Variants in CNTN5 observed in about 807,000 individuals in gnomAD.
CNTN5 encodes the protein contactin 5, also known as contactin-5.
In CNTN5, 77 loss-of-function variants were observed where a neutral mutation model predicts 129.1. The observed-to-expected ratio is 0.60, with a 90% CI of 0.50 to 0.72. CNTN5 has a LOEUF of 0.72. Ranked by LOEUF, CNTN5 falls within the 30% of genes least tolerant of loss-of-function variation. The pLI is 0.00. For synonymous variants in CNTN5, 509 were observed against 465.6 expected (o/e 1.09, Z -1.20); for missense variants, 1,478 against 1,328.8 (o/e 1.11, Z -1.75).
chr11:99,700,311 T>A (rs1954463519), intron 3 of CNTN5, among the ~76,000 whole-genome samples: 1 of 151,402 alleles, frequency 6.6e-6, no homozygotes, highest in African/African-American at 2.4e-5. Flanking sequence ...ATCACACAAC[T>A]TGATAGTGAA....
At chr11:99,811,442 TTTG>T (rs1336332229) in intron 3 of CNTN5, among the ~76,000 whole-genome samples, 27 of 148,576 alleles carry the variant, frequency 1.8e-4, no homozygotes, top group African/African-American at 6.1e-4. Context: ...AATCCATTAT[TTTG>T]TTAATATTTT....
intron 2 of CNTN5, among the ~76,000 whole-genome samples, chr11:99,531,035 C>G (rs1334479574): frequency 6.6e-6 from 1 of 152,194 alleles, no homozygotes; most frequent in Non-Finnish European, 1.5e-5. Context: ...GAGGCTGGAA[C>G]AGTTTGGAAG....
At chr11:100,236,378 C>G (rs1933145950) in intron 16 of CNTN5, among the ~76,000 whole-genome samples, 1 of 152,090 alleles carries the variant, frequency 6.6e-6, no homozygotes, top group South Asian at 2.1e-4. Flanking sequence ...GAGGCTGGCC[C>G]CTCATGAAGT....
intron 2 of CNTN5, among the ~76,000 whole-genome samples, chr11:99,385,144 T>C (rs1055767416): frequency 1.3e-5 from 2 of 151,846 alleles, no homozygotes; most frequent in Admixed American, 6.6e-5. Flanking sequence ...GTTATCATTT[T>C]GTAGTGAAAA....
At chr11:99,419,904 A>G (rs1383208227) in intron 2 of CNTN5, among the ~76,000 whole-genome samples, 1 of 152,086 alleles carries the variant, frequency 6.6e-6, no homozygotes. Flanking sequence ...TGTTCAGCAA[A>G]CACCATGTAT....
intron 10 of CNTN5, among the ~76,000 whole-genome samples, chr11:100,062,444 T>C (rs1311504349): frequency 2.6e-5 from 4 of 152,242 alleles, no homozygotes; most frequent in Admixed American, 6.5e-5. Context: ...CATTGCACAT[T>C]TTATCCATTC....
intron 1 of CNTN5, among the ~76,000 whole-genome samples, chr11:99,144,132 G>T (rs1276341555): frequency 6.6e-6 from 1 of 151,998 alleles, no homozygotes; most frequent in South Asian, 2.1e-4. Context: ...ATTATGATTG[G>T]CTAAATTACA....
At chr11:100,045,457 AT>A (rs1481843953) in intron 9 of CNTN5, among the ~76,000 whole-genome samples, 1 of 152,154 alleles carries the variant, frequency 6.6e-6, no homozygotes, top group Non-Finnish European at 1.5e-5. Context: ...CAAGTCAGTA[AT>A]TTTGTCTTTT....
At chr11:99,586,742 G>A (rs891297977) in intron 3 of CNTN5, among the ~76,000 whole-genome samples, 1 of 152,052 alleles carries the variant, frequency 6.6e-6, no homozygotes, top group Non-Finnish European at 1.5e-5. Context: ...AAATATATGT[G>A]GCTTATAGTG....
At chr11:100,096,213 G>A (rs895990447) in intron 13 of CNTN5, among the ~76,000 whole-genome samples, 5 of 152,056 alleles carry the variant, frequency 3.3e-5, no homozygotes, top group African/African-American at 1.2e-4. Flanking sequence ...ACTATTGCTA[G>A]ACTATTTGCT....
At chr11:99,532,399 G>A (rs1359989670) in intron 2 of CNTN5, among the ~76,000 whole-genome samples, 2 of 152,136 alleles carry the variant, frequency 1.3e-5, no homozygotes, top group African/African-American at 4.8e-5. Flanking sequence ...TGTCTCAGAT[G>A]AGACTTTGTT....
chr11:99,134,594 C>G (rs1376106407), intron 1 of CNTN5, among the ~76,000 whole-genome samples: 1 of 152,072 alleles, frequency 6.6e-6, no homozygotes, highest in African/African-American at 2.4e-5. Flanking sequence ...GATCAAGTAC[C>G]TAAGCATCAT....
intron 1 of CNTN5, among the ~76,000 whole-genome samples, chr11:99,311,105 T>G (rs111287148): frequency 0.052 from 7,896 of 152,088 alleles, 667 homozygotes; most frequent in African/African-American, 0.18. Context: ...ATTTTTGTAT[T>G]TTTAGTAGAG....
intron 1 of CNTN5, among the ~76,000 whole-genome samples, chr11:99,122,301 T>C (rs1359539626): frequency 2.0e-5 from 3 of 152,148 alleles, no homozygotes; most frequent in African/African-American, 4.8e-5. Flanking sequence ...TAATGGCATA[T>C]AAAACCATTC....
intron 13 of CNTN5, among the ~76,000 whole-genome samples, chr11:100,084,344 A>G (rs1409805317): frequency 6.6e-6 from 1 of 152,138 alleles, no homozygotes; most frequent in Non-Finnish European, 1.5e-5. Flanking sequence ...TACCTCCCCA[A>G]GTGACTCTTC....
intron 1 of CNTN5, among the ~76,000 whole-genome samples, chr11:99,050,432 A>T (rs1864380186): frequency 6.6e-6 from 1 of 151,936 alleles, no homozygotes; most frequent in African/African-American, 2.4e-5. Flanking sequence ...ATTTACATTA[A>T]CTATTAATAT....
Position 99,105,300 on chromosome 11 carries a change from A to G in CNTN5, c.-210+84030A>G, listed in dbSNP as rs146904829. Among the ~76,000 whole-genome samples, 433 of 152,316 alleles carry G rather than the reference A, an allele frequency of 2.8e-3. 1 individual carries two copies. Among genetic ancestry groups the G allele is most frequent in the African/African-American group, 0.01 (419 of 41,576 alleles). ...AACCAAAAGCATAAAAAAATTACAG[A>G]TGACATAAGGGAACTATCTTCTGTA... is the stretch of plus-strand genomic sequence containing the variant. On this transcript the variant is annotated intron_variant, in intron 1 of 24. Coordinates refer to ENST00000524871, the MANE Select transcript of CNTN5 (RefSeq NM_014361.4).
At chr11:99,403,073 T>C (rs11219772) in intron 2 of CNTN5, among the ~76,000 whole-genome samples, 112,435 of 150,438 alleles carry the variant, frequency 0.75, 42,925 homozygotes, top group African/African-American at 0.9. Flanking sequence ...GTGGCGGGAT[T>C]CCAGCTCACT....
chr11:99,964,090 C>T (rs1951025788), intron 8 of CNTN5, among the ~76,000 whole-genome samples: 1 of 152,202 alleles, frequency 6.6e-6, no homozygotes, highest in Non-Finnish European at 1.5e-5. Context: ...GATATACAAT[C>T]ATGTCATCTG....
Sources: gnomAD v4.1 joint callset for allele counts (sites outside exome capture counted in the v4.1 genomes callset) on GRCh38, gnomAD v4.1.1 for gene constraint, MANE v1.5 for transcripts, NCBI Gene and HGNC (gene_info 2026-07-23, HGNC 2026-07-21) for gene names.